Variants in PGCKA1 observed in about 807,000 individuals in gnomAD.
PGCKA1 encodes the protein PDCD10 and GCKIII kinases-associated protein 1.
chr4:37,493,522 G>A, the PGCKA1 span, among the ~76,000 whole-genome samples: 2 of 152,162 alleles, frequency 1.3e-5, no homozygotes, highest in Non-Finnish European at 2.9e-5. Flanking sequence ...CCACTCCACT[G>A]AGAAGCAGAT....
At chr4:37,481,464 C>CAA in the PGCKA1 span, among the ~76,000 whole-genome samples, 54 of 61,440 alleles carry the variant, frequency 8.8e-4, 4 homozygotes, top group African/African-American at 3.2e-3. Flanking sequence ...GACCTGTCTC[C>CAA]AAAAAAAAAA....
the PGCKA1 span, among the ~76,000 whole-genome samples, chr4:37,572,899 G>C: frequency 3.3e-5 from 5 of 152,066 alleles, no homozygotes; most frequent in Non-Finnish European, 7.4e-5. Flanking sequence ...TTGGATTTTT[G>C]GATTTCAGAT....
chr4:37,593,330 GTATCAATGACCCACA>G, the PGCKA1 span, among the ~76,000 whole-genome samples: 487 of 152,184 alleles, frequency 3.2e-3, no homozygotes, highest in African/African-American at 0.011. Flanking sequence ...ACTGGCCCGT[GTATCAATGACCCACA>G]TATCAATGAC....
chr4:37,562,542 C>A, the PGCKA1 span, among the ~76,000 whole-genome samples: 1 of 152,106 alleles, frequency 6.6e-6, no homozygotes, highest in Non-Finnish European at 1.5e-5. Flanking sequence ...AATCCAGGTA[C>A]AAAAGAGATG....
chr4:37,518,536 C>T, the PGCKA1 span, among the ~76,000 whole-genome samples: 4 of 152,166 alleles, frequency 2.6e-5, no homozygotes, highest in Admixed American at 2.6e-4. Context: ...TGTTAAGCAC[C>T]TCTTCATATG....
the PGCKA1 span, among the ~76,000 whole-genome samples, chr4:37,456,027 A>G: frequency 6.6e-6 from 1 of 152,226 alleles, no homozygotes; most frequent in African/African-American, 2.4e-5. Context: ...AATAGTAACT[A>G]GTACCTATGT....
the PGCKA1 span, among the ~76,000 whole-genome samples, chr4:37,560,554 T>C: frequency 5.3e-4 from 81 of 152,288 alleles, no homozygotes; most frequent in African/African-American, 1.8e-3. Context: ...CAGCTGCCTT[T>C]CAGTCGTTGC....
the PGCKA1 span, among the ~76,000 whole-genome samples, chr4:37,497,022 G>A: frequency 6.6e-6 from 1 of 151,942 alleles, no homozygotes; most frequent in Non-Finnish European, 1.5e-5. Flanking sequence ...TGAGATCCTG[G>A]TGCACCCATC....
At chr4:37,571,828 C>T in the PGCKA1 span, among the ~76,000 whole-genome samples, 1 of 152,030 alleles carries the variant, frequency 6.6e-6, no homozygotes, top group African/African-American at 2.4e-5. Flanking sequence ...AACAGGGTTT[C>T]ACCATGTTGG....
the PGCKA1 span, among the ~76,000 whole-genome samples, chr4:37,578,883 C>T: frequency 6.6e-6 from 1 of 151,768 alleles, no homozygotes; most frequent in African/African-American, 2.4e-5. Flanking sequence ...ATGGTGAAAC[C>T]CCATCTCTAC....
At chr4:37,499,838 C>G in the PGCKA1 span, among the ~76,000 whole-genome samples, 51 of 150,428 alleles carry the variant, frequency 3.4e-4, 1 homozygote, top group Non-Finnish European at 6.4e-4. Context: ...TTGTCTTCTG[C>G]TACCTTTGAG....
the PGCKA1 span, among the ~76,000 whole-genome samples, chr4:37,454,590 G>A: frequency 6.6e-6 from 1 of 152,238 alleles, no homozygotes; most frequent in Non-Finnish European, 1.5e-5. Context: ...GAAGAGGTCA[G>A]GGTGCCAGGA....
the PGCKA1 span, chr4:37,591,031 G>A: frequency 1.3e-6 from 2 of 1,556,246 alleles, no homozygotes; most frequent in Non-Finnish European, 1.7e-6. Flanking sequence ...AGGTAAGCTG[G>A]TGTCATGCTG....
the PGCKA1 span, among the ~76,000 whole-genome samples, chr4:37,524,593 A>G: frequency 6.6e-6 from 1 of 152,224 alleles, no homozygotes; most frequent in African/African-American, 2.4e-5. Flanking sequence ...GTCTCACCAC[A>G]ACCCTGATTC....
the PGCKA1 span, among the ~76,000 whole-genome samples, chr4:37,487,906 C>A: frequency 2.6e-4 from 39 of 151,912 alleles, no homozygotes; most frequent in African/African-American, 8.7e-4. Context: ...TTTTTTATTG[C>A]TTAGTAGTAT....
At chr4:37,515,202 A>G in the PGCKA1 span, among the ~76,000 whole-genome samples, 9,477 of 152,144 alleles carry the variant, frequency 0.062, 1,007 homozygotes, top group African/African-American at 0.22. Flanking sequence ...CCATATAAAG[A>G]TATAAGAAGA....
At chr4:37,496,266 C>G in the PGCKA1 span, among the ~76,000 whole-genome samples, 2 of 152,134 alleles carry the variant, frequency 1.3e-5, no homozygotes, top group Admixed American at 1.3e-4. Context: ...ACATTTAAGT[C>G]TTCAATCCCA....
chr4:37,558,265 T>C, the PGCKA1 span, among the ~76,000 whole-genome samples: 2 of 152,188 alleles, frequency 1.3e-5, no homozygotes, highest in East Asian at 3.8e-4. Flanking sequence ...CTGTTTCCTT[T>C]TTACGTTTGT....
chr4:37,566,327 C>A, the PGCKA1 span, among the ~76,000 whole-genome samples: 1 of 151,890 alleles, frequency 6.6e-6, no homozygotes, highest in South Asian at 2.1e-4. Context: ...ATCACCCAGG[C>A]TGGAGTGCAG....
Sources: allele counts gnomAD v4.1 joint callset (sites outside exome capture counted in the v4.1 genomes callset), GRCh38; gene constraint gnomAD v4.1.1; transcripts MANE v1.5; gene names NCBI Gene and HGNC (gene_info 2026-07-23, HGNC 2026-07-21).